Variants in PDE10A observed in about 807,000 individuals in gnomAD.
PDE10A encodes cAMP and cAMP-inhibited cGMP 3',5'-cyclic phosphodiesterase 10A.
Under a neutral mutation model 97.7 loss-of-function variants are expected in PDE10A, and 39 were observed. The ratio of observed to expected loss-of-function variants is 0.40; its 90% CI spans 0.31 to 0.52. PDE10A has a LOEUF of 0.52. Ranked by LOEUF, PDE10A falls within the 20% of genes least tolerant of loss-of-function variation. The probability of loss-of-function intolerance (pLI) is 0.56; values close to 1 mark genes in which losing one functional copy is unlikely to be tolerated. For missense variants in PDE10A, 731 were observed against 1,047.8 expected (o/e 0.70, Z 4.17); for synonymous variants, 371 against 376.8 (o/e 0.98, Z 0.18).
At chr6:165,543,287 T>G (rs1783559398) in intron 2 of PDE10A, among the ~76,000 whole-genome samples, 153 bp downstream of exon 2, 1 of 152,218 alleles carries the variant, frequency 6.6e-6, no homozygotes, top group South Asian at 2.1e-4. Flanking sequence ...TTCTCTAACT[T>G]ACTTTATCTT....
At chr6:165,500,831 G>A (rs1454623623) in intron 2 of PDE10A, among the ~76,000 whole-genome samples, 1 of 152,150 alleles carries the variant, frequency 6.6e-6, no homozygotes, top group Non-Finnish European at 1.5e-5. Flanking sequence ...TATTTACTGA[G>A]ATAGGAGAAA....
chr6:165,982,321 G>A (rs970120020), intron 1 of PDE10A, among the ~76,000 whole-genome samples: 2 of 152,162 alleles, frequency 1.3e-5, no homozygotes, highest in Non-Finnish European at 2.9e-5. Flanking sequence ...GGGCTGGGGA[G>A]GATCTTAACC....
intron 1 of PDE10A, among the ~76,000 whole-genome samples, chr6:165,904,701 A>G (rs1316548952): frequency 6.6e-6 from 1 of 152,178 alleles, no homozygotes; most frequent in African/African-American, 2.4e-5. Flanking sequence ...TATATTTCAC[A>G]TTTCTCTGAG....
chr6:165,759,612 C>G (rs1282721647), intron 1 of PDE10A, among the ~76,000 whole-genome samples: 1 of 152,230 alleles, frequency 6.6e-6, no homozygotes, highest in Non-Finnish European at 1.5e-5. Flanking sequence ...TAAGGCTTAA[C>G]ACACTGCAGT....
rs569901716 is a variant in PDE10A, at chr6:165,676,030, A to G, written c.-614-132462T>C. 3.9e-5 allele frequency among the ~76,000 whole-genome samples: 6 copies of G among 152,340 alleles called. No homozygotes were observed. The East Asian group carries it at 7.7e-4, about 20-fold the overall frequency. On this transcript the variant is annotated intron_variant, in intron 1 of 19. Coordinates refer to the PDE10A transcript ENST00000366882. ...ATTGGATAAGGAAAGTGTCGTATAC[A>G]TGGAAGACTCCTTAGCCATAAAAAG...
At chr6:165,561,011 A>G (rs888376304) in intron 1 of PDE10A, among the ~76,000 whole-genome samples, 1 of 152,074 alleles carries the variant, frequency 6.6e-6, no homozygotes, top group African/African-American at 2.4e-5. Flanking sequence ...CGAGGTCAGG[A>G]GATCGAGACC....
chr6:165,711,896 A>G lies in PDE10A; in HGVS notation c.-614-168328T>C, dbSNP rs1359819481. On this transcript the variant is annotated intron_variant, in intron 1 of 19. Transcript: ENST00000366882. The surrounding 1 kb of genome is among the most constrained non-coding windows in gnomAD (Gnocchi z 4.5). ...GGTTTTATTCTGCATCCTAGGGGTG[A>G]TTGGTGACTGGGGCAACCTGATCAG... Among the ~76,000 whole-genome samples, 1 of 152,078 alleles carries G rather than the reference A, an allele frequency of 6.6e-6. No homozygotes were observed. The highest frequency in any genetic ancestry group is 2.4e-5 in the African/African-American group (1 of 41,426).
Position 165,396,462 on chromosome 6 carries a change from A to C in PDE10A, c.2077-3T>G, listed in dbSNP as rs376902723. 26 of 1,596,644 alleles carry C rather than the reference A, an allele frequency of 1.6e-5. No homozygotes were observed. The highest frequency in any genetic ancestry group is 2.0e-5 in the Non-Finnish European group (23 of 1,174,104). ...GAGTGGCGAATTCTATGATACATCT[A>C]GAAGGCAAATCCAAAAAAAAAACCC... On this transcript the variant is annotated splice_polypyrimidine_tract_variant and splice_region_variant and intron_variant, in intron 13 of 21. Transcript: ENST00000539869.
intron 1 of PDE10A, among the ~76,000 whole-genome samples, chr6:165,804,271 A>AT: frequency 6.6e-6 from 1 of 152,200 alleles, no homozygotes; most frequent in African/African-American, 2.4e-5. Context: ...GACTCATCTT[A>AT]TATTCAAAGA....
chr6:165,611,526 C>A (rs73022197), intron 1 of PDE10A, among the ~76,000 whole-genome samples: 5,307 of 152,292 alleles, frequency 0.035, 147 homozygotes, highest in Non-Finnish European at 0.053. Flanking sequence ...GAGGCTGTGC[C>A]CAGAAGGGGC....
At chr6:165,797,374 T>C (rs1213463553) in intron 1 of PDE10A, among the ~76,000 whole-genome samples, 1 of 152,360 alleles carries the variant, frequency 6.6e-6, no homozygotes, top group African/African-American at 2.4e-5. Flanking sequence ...ATGATTATTT[T>C]TCTAAAGCTA....
intron 2 of PDE10A, among the ~76,000 whole-genome samples, chr6:165,542,108 TTTGTG>T (rs1417643084): frequency 6.6e-6 from 1 of 152,192 alleles, no homozygotes; most frequent in Non-Finnish European, 1.5e-5. Flanking sequence ...AAATAGTATC[TTTGTG>T]TTTTTAATAT....
intron 1 of PDE10A, among the ~76,000 whole-genome samples, chr6:165,796,176 A>G (rs1208049402): frequency 7.7e-6 from 1 of 129,272 alleles, no homozygotes. Context: ...GCTCACTGCC[A>G]GCTCCGCCTC....
At chr6:165,363,896 C>T (rs1783595072) in intron 18 of PDE10A, among the ~76,000 whole-genome samples, 2 of 152,046 alleles carry the variant, frequency 1.3e-5, no homozygotes, top group Admixed American at 6.6e-5. Context: ...AATGGAAAAG[C>T]ATCTCATATT....
At chr6:165,611,323 C>A (rs554653166) in intron 1 of PDE10A, among the ~76,000 whole-genome samples, 2 of 152,170 alleles carry the variant, frequency 1.3e-5, no homozygotes, top group Non-Finnish European at 2.9e-5. Context: ...GACTTCCAAC[C>A]AGGACTGAAA....
intron 1 of PDE10A, among the ~76,000 whole-genome samples, chr6:165,654,598 C>T (rs138054340): frequency 8.0e-4 from 121 of 152,148 alleles, no homozygotes; most frequent in South Asian, 1.2e-3. Context: ...TGTTTCCACC[C>T]GACTTCCTAT....
chr6:165,620,752 T>C (rs984888851), intron 1 of PDE10A, among the ~76,000 whole-genome samples: 1 of 126,698 alleles, frequency 7.9e-6, no homozygotes, highest in East Asian at 2.1e-4. Context: ...ACAAAAAGGA[T>C]AGAGAAGGCT....
At chr6:165,906,023 CCCTTCCTTCCTTCCTTCCTTCCTT>C (rs1267541100) in intron 1 of PDE10A, among the ~76,000 whole-genome samples, 1 of 13,700 alleles carries the variant, frequency 7.3e-5, no homozygotes, top group Non-Finnish European at 1.2e-4. Flanking sequence ...TTCCCTCCCT[CCCTTCCTTCCTTCCTTCCTTCCTT>C]CCCTCCCTCC....
intron 18 of PDE10A, among the ~76,000 whole-genome samples, chr6:165,361,393 T>G (rs1026885917): frequency 1.3e-5 from 2 of 152,194 alleles, no homozygotes; most frequent in African/African-American, 4.8e-5. Context: ...AAAAAGAAAC[T>G]TGGAATCTTC....
Sources: allele counts gnomAD v4.1 joint callset (sites outside exome capture counted in the v4.1 genomes callset), GRCh38; gene constraint gnomAD v4.1.1; non-coding constraint Gnocchi (gnomAD v3.1); transcripts MANE v1.5; gene names NCBI Gene and HGNC (gene_info 2026-07-23, HGNC 2026-07-21).